Variants in DENND1A observed in about 807,000 individuals in gnomAD.
DENND1A encodes the protein DENN domain-containing protein 1A.
DENND1A carries 51 observed loss-of-function variants against 113.7 expected under a neutral mutation model. The observed-to-expected ratio is 0.45, with a 90% CI of 0.36 to 0.57. The LOEUF (loss-of-function observed/expected upper bound fraction) is 0.57, where lower values mean the gene tolerates loss of function less well. Among genes scored for constraint, DENND1A ranks in the 20% least tolerant of loss-of-function variants. The probability of loss-of-function intolerance (pLI) is 0.00; values close to 1 mark genes in which losing one functional copy is unlikely to be tolerated. For synonymous variants in DENND1A, 565 were observed against 570.8 expected, an observed-to-expected ratio of 0.99 and a Z score of 0.14; for missense variants, 1,258 against 1,395.9, an observed-to-expected ratio of 0.90 and a Z score of 1.57.
At chr9:123,382,935 A>G (rs574003449) in intron 23 of DENND1A, among the ~76,000 whole-genome samples, 1 of 152,338 alleles carries the variant, frequency 6.6e-6, no homozygotes, top group East Asian at 1.9e-4. Flanking sequence ...TTTAGATCGC[A>G]GGCACCCGCA....
intron 5 of DENND1A, among the ~76,000 whole-genome samples, chr9:123,716,546 T>G (rs1055891569): frequency 1.3e-5 from 2 of 152,174 alleles, no homozygotes; most frequent in African/African-American, 4.8e-5. Context: ...CAATTTAAAT[T>G]ACTAATAATC....
intron 2 of DENND1A, among the ~76,000 whole-genome samples, chr9:123,864,991 T>C (rs1012274130): frequency 6.6e-6 from 1 of 152,182 alleles, no homozygotes; most frequent in African/African-American, 2.4e-5. Context: ...AGCATGACTG[T>C]ACAGGGTCCC....
At chr9:123,701,961 A>G (rs1384200039) in intron 5 of DENND1A, among the ~76,000 whole-genome samples, 1 of 152,248 alleles carries the variant, frequency 6.6e-6, no homozygotes, top group Non-Finnish European at 1.5e-5. Context: ...AAAATGAGGT[A>G]CTAGTGACTG....
intron 13 of DENND1A, among the ~76,000 whole-genome samples, chr9:123,532,578 C>T (rs1465832516): frequency 1.3e-5 from 2 of 152,144 alleles, no homozygotes; most frequent in East Asian, 3.8e-4. Flanking sequence ...TGAAATCTTC[C>T]TGAAAGTGAT....
At chr9:123,797,710 ATTG>A (rs1212961813) in intron 2 of DENND1A, among the ~76,000 whole-genome samples, 1 of 152,120 alleles carries the variant, frequency 6.6e-6, no homozygotes. Context: ...ATATTGTTCG[ATTG>A]TTAAAATTTA....
chr9:123,895,451 T>A (rs988531240), intron 1 of DENND1A, among the ~76,000 whole-genome samples: 10 of 151,684 alleles, frequency 6.6e-5, no homozygotes, highest in Non-Finnish European at 4.4e-5. Flanking sequence ...TGAAGCCCCA[T>A]CTCTACTAAA....
At chr9:123,535,451 A>G (rs539956074) in intron 13 of DENND1A, among the ~76,000 whole-genome samples, 21 of 151,820 alleles carry the variant, frequency 1.4e-4, no homozygotes, top group African/African-American at 5.1e-4. Flanking sequence ...TCTCTAAAAA[A>G]GCCCCCAACG....
In DENND1A at chr9:123,381,747, C is replaced by A; in HGVS notation, c.2898G>T (p.Thr966=). 6.6e-7 allele frequency: 1 copy of A among 1,512,186 alleles called. No individual in the cohort carries two copies. Among genetic ancestry groups the A allele is most frequent in the Non-Finnish European group, 8.8e-7 (1 of 1,130,772 alleles). The allele number at this position is 1,512,186 out of a possible 1,614,324, so 93.7% of individuals were successfully genotyped here. The change falls in exon 24 of 24, where the codon ACG becomes ACT. Residue 966 remains threonine, a synonymous_variant. Transcript: ENST00000394215. The surrounding 1 kb of genome is among the most constrained non-coding windows in gnomAD (Gnocchi z 4.7). ...LFGQMPMGTH[T]SPLQPLGPPA... Reference sequence around the variant, plus strand: ...GGGGACCCAGCGGCTGTAGGGGGCTCGTGTGGGTGCCCATGGGCATCTGGC... The same window carrying A: ...GGGGACCCAGCGGCTGTAGGGGGCTAGTGTGGGTGCCCATGGGCATCTGGC...
intron 12 of DENND1A, among the ~76,000 whole-genome samples, chr9:123,580,413 T>C (rs190717852): frequency 3.3e-5 from 5 of 152,386 alleles, no homozygotes; most frequent in African/African-American, 7.2e-5. Context: ...AGATATGTAA[T>C]TGACATATCT....
chr9:123,545,116 A>G (rs1395284467), intron 13 of DENND1A, among the ~76,000 whole-genome samples: 4 of 149,252 alleles, frequency 2.7e-5, no homozygotes, highest in Non-Finnish European at 4.5e-5. Context: ...AAAAAAAAAG[A>G]ACTATGACAA....
intron 13 of DENND1A, among the ~76,000 whole-genome samples, chr9:123,513,154 C>A (rs2053594562): frequency 6.6e-6 from 1 of 152,314 alleles, no homozygotes; most frequent in East Asian, 1.9e-4. Context: ...CATGGCCTGA[C>A]CTCTGGGTGG....
At chr9:123,795,111 A>G (rs1833569940) in intron 2 of DENND1A, among the ~76,000 whole-genome samples, 1 of 152,252 alleles carries the variant, frequency 6.6e-6, no homozygotes, top group African/African-American at 2.4e-5. Context: ...TTTACAAAAA[A>G]CAAACTTCAT....
At chr9:123,697,178 A>G (rs1351828317) in intron 5 of DENND1A, among the ~76,000 whole-genome samples, 1 of 152,228 alleles carries the variant, frequency 6.6e-6, no homozygotes, top group South Asian at 2.1e-4. Context: ...TTATGCACAC[A>G]TGCACATTTA....
At chr9:123,472,506 C>A (rs748286357) in intron 13 of DENND1A, among the ~76,000 whole-genome samples, 2 of 152,108 alleles carry the variant, frequency 1.3e-5, no homozygotes, top group Non-Finnish European at 2.9e-5. Context: ...GCCAGACCCT[C>A]AAAATACACA....
intron 10 of DENND1A, among the ~76,000 whole-genome samples, chr9:123,620,227 A>AG (rs1564829702): frequency 2.5e-4 from 36 of 146,438 alleles, no homozygotes; most frequent in East Asian, 1.8e-3. Context: ...AAAAAAAAAA[A>AG]AAAAAAAAAA....
At chr9:123,830,580 G>C (rs1840020987) in intron 2 of DENND1A, among the ~76,000 whole-genome samples, 1 of 151,972 alleles carries the variant, frequency 6.6e-6, no homozygotes, top group Non-Finnish European at 1.5e-5. Context: ...ACAGGGAAAA[G>C]AGGGCCGGGC....
At chr9:123,615,353 A>G (rs368085170) in intron 10 of DENND1A, among the ~76,000 whole-genome samples, 41 of 152,384 alleles carry the variant, frequency 2.7e-4, no homozygotes, top group African/African-American at 7.0e-4. Context: ...ACCCAAGCCC[A>G]TGATACGGGG....
chr9:123,633,892 T>C (rs578104468), intron 9 of DENND1A, among the ~76,000 whole-genome samples: 1 of 152,322 alleles, frequency 6.6e-6, no homozygotes, highest in East Asian at 1.9e-4. Flanking sequence ...ATTCATTCAA[T>C]CATATGCCTA....
chr9:123,857,072 G>C (rs1844328376), intron 2 of DENND1A, among the ~76,000 whole-genome samples: 1 of 151,566 alleles, frequency 6.6e-6, no homozygotes, highest in Non-Finnish European at 1.5e-5. Flanking sequence ...AGGCCTAGAA[G>C]CAGCAACACC....
Sources: gnomAD v4.1 joint callset for allele counts (sites outside exome capture counted in the v4.1 genomes callset) on GRCh38, gnomAD v4.1.1 for gene constraint, Gnocchi (gnomAD v3.1) non-coding constraint, MANE v1.5 for transcripts, NCBI Gene and HGNC (gene_info 2026-07-23, HGNC 2026-07-21) for gene names.